Variants in TNR observed in about 807,000 individuals in gnomAD.
TNR encodes tenascin R, also known as tenascin-R.
TNR carries 45 observed loss-of-function variants against 150.4 expected under a neutral mutation model. The observed-to-expected ratio is 0.30, with a 90% CI of 0.24 to 0.38. The LOEUF (loss-of-function observed/expected upper bound fraction) is 0.38, where lower values mean the gene tolerates loss of function less well. TNR is among the 10% of genes least tolerant of loss of function. The probability of loss-of-function intolerance (pLI) is 1.00; values close to 1 mark genes in which losing one functional copy is unlikely to be tolerated. For missense variants in TNR, 1,544 were observed against 1,759.1 expected (o/e 0.88, Z 2.19); for synonymous variants, 687 against 678.4 (o/e 1.01, Z -0.20).
At chr1:175,515,570 CA>C (rs1328146675) in intron 2 of TNR, among the ~76,000 whole-genome samples, 1 of 152,176 alleles carries the variant, frequency 6.6e-6, no homozygotes, top group Admixed American at 6.5e-5. Flanking sequence ...GGCCAGAATA[CA>C]GGGTGCATTC....
intron 2 of TNR, among the ~76,000 whole-genome samples, chr1:175,417,051 G>GAAATAAAT (rs1198684627): frequency 9.6e-6 from 1 of 103,824 alleles, no homozygotes; most frequent in East Asian, 3.1e-4. Flanking sequence ...AAGAAAGAAA[G>GAAATAAAT]AAAGAAAGAA....
chr1:175,632,938 A>G (rs899977388), intron 1 of TNR, among the ~76,000 whole-genome samples: 2 of 152,220 alleles, frequency 1.3e-5, no homozygotes, highest in Non-Finnish European at 2.9e-5. Flanking sequence ...CCCTAAAGGA[A>G]CAAATAGTCT....
intron 1 of TNR, among the ~76,000 whole-genome samples, chr1:175,590,374 ATTTAT>A (rs1277697039): frequency 2.0e-5 from 3 of 152,088 alleles, no homozygotes; most frequent in African/African-American, 7.2e-5. Context: ...ATTAAATATT[ATTTAT>A]TTTAACTGCT....
intron 1 of TNR, among the ~76,000 whole-genome samples, chr1:175,682,519 G>A (rs1198473375): frequency 2.6e-5 from 4 of 152,058 alleles, no homozygotes; most frequent in African/African-American, 4.8e-5. Flanking sequence ...TTTATATTCA[G>A]TCCACTGGAA....
rs539334609 is a variant in TNR at position 175,499,383 on chromosome 1, C to T, written c.-64+28886G>A. Among the ~76,000 whole-genome samples, 6 of 152,350 alleles carry T rather than the reference C, an allele frequency of 3.9e-5. No homozygotes were observed. The South Asian group carries it at 8.3e-4, about 21-fold the overall frequency. ...AAATGCAGGATTGTAAAGTTGGGCTCTCCCTGCAAGGCTGATGGGAGATGA... is the reference window on the plus strand; with the variant it reads ...AAATGCAGGATTGTAAAGTTGGGCTTTCCCTGCAAGGCTGATGGGAGATGA... On this transcript the variant is annotated intron_variant, in intron 2 of 22. Transcript: ENST00000367674.
chr1:175,512,988 C>T (rs1369708511), intron 2 of TNR, among the ~76,000 whole-genome samples: 1 of 152,184 alleles, frequency 6.6e-6, no homozygotes, highest in Non-Finnish European at 1.5e-5. Context: ...CACTTGGATG[C>T]TATAGAATTT....
chr1:175,565,312 A>G (rs1661597570), intron 1 of TNR, among the ~76,000 whole-genome samples: 1 of 152,206 alleles, frequency 6.6e-6, no homozygotes, highest in East Asian at 1.9e-4. Flanking sequence ...CAGAGGTGAC[A>G]TCACAGAACA....
intron 1 of TNR, among the ~76,000 whole-genome samples, chr1:175,684,268 G>C (rs997008986): frequency 1.3e-5 from 2 of 152,126 alleles, no homozygotes; most frequent in African/African-American, 4.8e-5. Context: ...CTCAGGCCCT[G>C]TGTTAGGTGC....
intron 21 of TNR, among the ~76,000 whole-genome samples, chr1:175,329,167 C>G (rs1486979648): frequency 2.0e-5 from 3 of 152,164 alleles, no homozygotes; most frequent in African/African-American, 7.2e-5. Flanking sequence ...CACCTTAATG[C>G]TCTTCTTAAT....
chr1:175,736,050 G>T (rs1271416212), intron 1 of TNR, among the ~76,000 whole-genome samples: 2 of 152,128 alleles, frequency 1.3e-5, no homozygotes, highest in African/African-American at 2.4e-5. Flanking sequence ...ATAAAATTCG[G>T]GTCAACCCAA....
intron 1 of TNR, among the ~76,000 whole-genome samples, chr1:175,549,625 G>A (rs2102198273): frequency 6.6e-6 from 1 of 152,292 alleles, no homozygotes; most frequent in East Asian, 1.9e-4. Flanking sequence ...AACTTTAAAA[G>A]CCTTACTTTT....
intron 1 of TNR, among the ~76,000 whole-genome samples, chr1:175,570,275 C>G (rs1029189649): frequency 1.3e-5 from 2 of 152,176 alleles, no homozygotes; most frequent in Non-Finnish European, 2.9e-5. Context: ...GGGGCAGGGT[C>G]ATTTGCACAA....
intron 1 of TNR, among the ~76,000 whole-genome samples, chr1:175,643,636 G>A (rs1423985922): frequency 6.6e-6 from 1 of 152,168 alleles, no homozygotes; most frequent in Non-Finnish European, 1.5e-5. Flanking sequence ...TGCAAGGGTG[G>A]TTCTGCAGAG....
At chr1:175,526,012 T>G (rs1283622337) in intron 2 of TNR, among the ~76,000 whole-genome samples, 1 of 90,302 alleles carries the variant, frequency 1.1e-5, no homozygotes, top group South Asian at 3.0e-4. Flanking sequence ...CTTTTGCTGG[T>G]TTTTTTTTTT....
chr1:175,570,827 T>C (rs1398249236), intron 1 of TNR, among the ~76,000 whole-genome samples: 1 of 152,150 alleles, frequency 6.6e-6, no homozygotes, highest in Non-Finnish European at 1.5e-5. Flanking sequence ...TCTCCAAATA[T>C]TTCCATAATG....
intron 1 of TNR, among the ~76,000 whole-genome samples, chr1:175,708,712 A>G (rs910905588): frequency 2.6e-5 from 4 of 152,136 alleles, no homozygotes; most frequent in Non-Finnish European, 5.9e-5. Context: ...TGGTGGTGAG[A>G]TGATACAGGG....
chr1:175,401,746 C>T (rs149695324), intron 4 of TNR, among the ~76,000 whole-genome samples: 9 of 152,212 alleles, frequency 5.9e-5, no homozygotes, highest in East Asian at 1.9e-4. Context: ...CTGGTGAATC[C>T]GGCTTACCAG....
chr1:175,609,645 T>C (rs1663530039), intron 1 of TNR, among the ~76,000 whole-genome samples: 1 of 152,206 alleles, frequency 6.6e-6, no homozygotes, highest in Non-Finnish European at 1.5e-5. Flanking sequence ...CAAGCTGTCA[T>C]TGGCCATGAG....
chr1:175,625,043 T>C (rs1457732629), intron 1 of TNR, among the ~76,000 whole-genome samples: 1 of 152,158 alleles, frequency 6.6e-6, no homozygotes, highest in Admixed American at 6.5e-5. Context: ...GAAGTACTGG[T>C]GCTCCAGCAC....
Sources: gnomAD v4.1 joint callset for allele counts (sites outside exome capture counted in the v4.1 genomes callset) on GRCh38, gnomAD v4.1.1 for gene constraint, MANE v1.5 for transcripts, NCBI Gene and HGNC (gene_info 2026-07-23, HGNC 2026-07-21) for gene names.